CEP63: variants seen among roughly 807,000 people sequenced by gnomAD.
CEP63 encodes centrosomal protein of 63 kDa.
Under a neutral mutation model 89.1 loss-of-function variants are expected in CEP63, and 84 were observed. The observed-to-expected ratio is 0.94, with a 90% CI of 0.79 to 1.13. The LOEUF (loss-of-function observed/expected upper bound fraction) is 1.13. CEP63 is among the 50% of genes most tolerant of loss of function. CEP63 has a pLI of 0.00. For missense variants in CEP63, 838 were observed against 813.3 expected (o/e 1.03, Z -0.37); for synonymous variants, 267 against 272.5 (o/e 0.98, Z 0.20).
the CEP63 span, chr3:134,608,598 C>A: frequency 7.4e-6 from 12 of 1,613,366 alleles, no homozygotes; most frequent in African/African-American, 2.7e-5. Context: ...GAGGACAGTG[C>A]GAAATGCTCC....
chr3:134,683,716 T>A, the CEP63 span, among the ~76,000 whole-genome samples: 1 of 151,894 alleles, frequency 6.6e-6, no homozygotes, highest in East Asian at 2.0e-4. Flanking sequence ...CTTTCCATGT[T>A]TGCTTCCTTT....
chr3:134,750,558 C>T, the CEP63 span, among the ~76,000 whole-genome samples: 3 of 152,192 alleles, frequency 2.0e-5, no homozygotes, highest in African/African-American at 7.2e-5. Flanking sequence ...AGCGTTTGTA[C>T]ACATGCAGGG....
chr3:134,752,919 G>A, the CEP63 span, among the ~76,000 whole-genome samples: 4 of 152,178 alleles, frequency 2.6e-5, no homozygotes, highest in East Asian at 5.8e-4. Context: ...TCTGCCTACC[G>A]CTTCCAGGCT....
downstream of CEP63, among the ~76,000 whole-genome samples, chr3:134,565,913 T>TC (rs1957738115): frequency 1.3e-5 from 2 of 151,792 alleles, no homozygotes; most frequent in African/African-American, 2.4e-5. Flanking sequence ...TCTGCACAGC[T>TC]CCCCCCACAG....
intron 3 of CEP63, among the ~76,000 whole-genome samples, chr3:134,511,843 A>G (rs1427499647): frequency 1.3e-5 from 2 of 152,184 alleles, no homozygotes; most frequent in South Asian, 2.1e-4. Flanking sequence ...CTTCTCCAAC[A>G]TTGAAGACTA....
At chr3:134,506,334 T>C (rs1287597188) in intron 2 of CEP63, among the ~76,000 whole-genome samples, 1 of 152,214 alleles carries the variant, frequency 6.6e-6, no homozygotes, top group African/African-American at 2.4e-5. Context: ...ATGAATTTCT[T>C]GAAGCAGCTC....
At chr3:134,619,082 A>G in the CEP63 span, 12 of 1,331,712 alleles carry the variant, frequency 9.0e-6, no homozygotes, top group Non-Finnish European at 1.3e-5. Flanking sequence ...GCAAAGGCAC[A>G]TGGCACTGTG....
chr3:134,626,410 C>T, the CEP63 span, among the ~76,000 whole-genome samples: 29 of 152,206 alleles, frequency 1.9e-4, no homozygotes, highest in African/African-American at 6.8e-4. Context: ...TGGCCTCAGG[C>T]ACACATCTGT....
the CEP63 span, among the ~76,000 whole-genome samples, chr3:134,644,237 G>A: frequency 5.9e-5 from 9 of 152,322 alleles, no homozygotes; most frequent in Non-Finnish European, 1.0e-4. Context: ...TGCAGGGCAT[G>A]CACGCTACAC....
chr3:134,609,657 C>T, the CEP63 span, among the ~76,000 whole-genome samples: 1 of 152,164 alleles, frequency 6.6e-6, no homozygotes, highest in Admixed American at 6.5e-5. Flanking sequence ...TCCTCTGCAC[C>T]CCGGCTGCCC....
At chr3:134,666,945 G>A in the CEP63 span, among the ~76,000 whole-genome samples, 8 of 152,238 alleles carry the variant, frequency 5.3e-5, no homozygotes, top group Middle Eastern at 3.4e-3. Context: ...CTGTTTTACC[G>A]GAAAGCCCAT....
At chr3:134,522,891 C>T (rs771380118) in intron 3 of CEP63, among the ~76,000 whole-genome samples, 1 of 151,988 alleles carries the variant, frequency 6.6e-6, no homozygotes, top group Non-Finnish European at 1.5e-5. Context: ...TCTGATGGAA[C>T]GATTTACATT....
the CEP63 span, among the ~76,000 whole-genome samples, chr3:134,748,310 C>G: frequency 3.5e-4 from 53 of 152,318 alleles, no homozygotes; most frequent in African/African-American, 1.3e-3. Context: ...GTCTCAGGCT[C>G]TGCTTTCAGG....
chr3:134,572,130 C>A (rs1958034191), intron 11 of CEP63, among the ~76,000 whole-genome samples: 1 of 152,130 alleles, frequency 6.6e-6, no homozygotes, highest in Non-Finnish European at 1.5e-5. Flanking sequence ...AATTTAGAGG[C>A]CTACTTATGT....
intron 2 of CEP63, among the ~76,000 whole-genome samples, chr3:134,497,939 A>C (rs1331340276): frequency 1.3e-5 from 2 of 152,096 alleles, no homozygotes; most frequent in African/African-American, 4.8e-5. Context: ...TTCTGCTTTT[A>C]TACTAATACC....
At chr3:134,705,791 T>A in the CEP63 span, among the ~76,000 whole-genome samples, 68 of 152,334 alleles carry the variant, frequency 4.5e-4, no homozygotes, top group Admixed American at 9.8e-4. Context: ...TCCTGGAGGC[T>A]GTTGGTGGGA....
chr3:134,535,870 A>T (rs77115039), intron 5 of CEP63: 7 of 152,172 alleles, frequency 4.6e-5, no homozygotes, highest in African/African-American at 1.7e-4. Context: ...ATCACTTCCT[A>T]TACAAAAACC....
the CEP63 span, among the ~76,000 whole-genome samples, chr3:134,732,456 G>A: frequency 6.6e-6 from 1 of 152,006 alleles, no homozygotes; most frequent in African/African-American, 2.4e-5. Flanking sequence ...AATGTAATAA[G>A]AGTTGATTAA....
At chr3:134,532,632 G>T in intron 4 of CEP63, 146 bp from the exon 5 acceptor site, 4 of 578,136 alleles carry the variant, frequency 6.9e-6, no homozygotes, top group South Asian at 6.9e-5. Flanking sequence ...TTAATTTTTA[G>T]TTTCCTTTTG....
Sources: gnomAD v4.1 joint callset for allele counts (sites outside exome capture counted in the v4.1 genomes callset) on GRCh38, gnomAD v4.1.1 for gene constraint, MANE v1.5 for transcripts, NCBI Gene and HGNC (gene_info 2026-07-23, HGNC 2026-07-21) for gene names.